The following CSTPP1 variants were observed in gnomAD, a reference collection of about 807,000 sequenced individuals.
CSTPP1 encodes centriolar satellite-associated tubulin polyglutamylase complex regulator 1, also known as UPF0705 protein C11orf49.
At chr11:47,104,859 G>A in the CSTPP1 span, among the ~76,000 whole-genome samples, 3 of 152,200 alleles carry the variant, frequency 2.0e-5, no homozygotes, top group Non-Finnish European at 2.9e-5. Flanking sequence ...TACCAGATCT[G>A]TGCTTGCAAA....
the CSTPP1 span, among the ~76,000 whole-genome samples, chr11:47,113,919 GC>G: frequency 6.6e-5 from 10 of 152,258 alleles, no homozygotes; most frequent in African/African-American, 2.4e-4. Flanking sequence ...TGAAGTCCTT[GC>G]CCATGCCTAT....
chr11:47,115,294 T>C, the CSTPP1 span, among the ~76,000 whole-genome samples: 1 of 152,222 alleles, frequency 6.6e-6, no homozygotes, highest in Non-Finnish European at 1.5e-5. Context: ...AAATTCTCTT[T>C]TTTTGTTGTG....
At chr11:47,011,449 C>T in the CSTPP1 span, among the ~76,000 whole-genome samples, 2 of 152,186 alleles carry the variant, frequency 1.3e-5, no homozygotes, top group African/African-American at 4.8e-5. Flanking sequence ...AGATTCTTCT[C>T]CCTTCAGTAC....
chr11:47,119,943 C>T, the CSTPP1 span, among the ~76,000 whole-genome samples: 7 of 152,092 alleles, frequency 4.6e-5, no homozygotes, highest in Non-Finnish European at 1.0e-4. Flanking sequence ...GGAATTGAAG[C>T]TCAAAAAATT....
At chr11:46,970,079 A>G in the CSTPP1 span, among the ~76,000 whole-genome samples, 15 of 152,232 alleles carry the variant, frequency 9.9e-5, no homozygotes, top group Non-Finnish European at 1.6e-4. Flanking sequence ...ACATACATAT[A>G]TAAAACAGGC....
chr11:47,110,279 A>C, the CSTPP1 span, among the ~76,000 whole-genome samples: 1 of 152,222 alleles, frequency 6.6e-6, no homozygotes, highest in African/African-American at 2.4e-5. Flanking sequence ...AGTCCCTGGC[A>C]TACCTTTGAC....
the CSTPP1 span, among the ~76,000 whole-genome samples, chr11:47,135,212 A>G: frequency 1.3e-5 from 2 of 152,080 alleles, no homozygotes; most frequent in Non-Finnish European, 2.9e-5. Context: ...ACAGAACCAA[A>G]ACAAACTCCC....
At chr11:47,159,639 C>G in the CSTPP1 span, 1 of 456,250 alleles carries the variant, frequency 2.2e-6, no homozygotes, top group South Asian at 1.5e-5. Flanking sequence ...GTAGCAGCCA[C>G]TAGGAAGGAG....
chr11:47,107,820 C>CA, the CSTPP1 span, among the ~76,000 whole-genome samples: 1 of 150,758 alleles, frequency 6.6e-6, no homozygotes, highest in South Asian at 2.1e-4. Flanking sequence ...GACAAGGTGG[C>CA]AAAAAAAAAT....
At chr11:47,038,302 G>A in the CSTPP1 span, among the ~76,000 whole-genome samples, 872 of 103,800 alleles carry the variant, frequency 8.4e-3, 82 homozygotes, top group African/African-American at 0.012. Context: ...CCTCCCTCCC[G>A]GACGGGGCGG....
the CSTPP1 span, chr11:47,052,669 A>G: frequency 9.2e-7 from 1 of 1,086,754 alleles, no homozygotes; most frequent in Non-Finnish European, 1.3e-6. Flanking sequence ...GTTTGAATGC[A>G]TGCTATTCAA....
chr11:47,019,256 C>T, the CSTPP1 span, among the ~76,000 whole-genome samples: 1 of 152,112 alleles, frequency 6.6e-6, no homozygotes, highest in Non-Finnish European at 1.5e-5. Flanking sequence ...GTAATCTGCT[C>T]GCCTCGGCCT....
chr11:47,007,704 T>C, the CSTPP1 span, among the ~76,000 whole-genome samples: 1 of 152,184 alleles, frequency 6.6e-6, no homozygotes, highest in Admixed American at 6.5e-5. Context: ...GTATGAGTTA[T>C]GTAAATTGAA....
the CSTPP1 span, chr11:47,157,675 G>A: frequency 1.4e-6 from 1 of 731,008 alleles, no homozygotes; most frequent in East Asian, 2.6e-5. Flanking sequence ...CATAGTGAAG[G>A]CCTGATCCCC....
At chr11:46,987,428 G>GT in the CSTPP1 span, 3 of 877,106 alleles carry the variant, frequency 3.4e-6, no homozygotes, top group South Asian at 4.3e-5. Context: ...TGAATGTTTA[G>GT]TTTTGGTAGG....
the CSTPP1 span, among the ~76,000 whole-genome samples, chr11:46,986,861 A>G: frequency 6.6e-6 from 1 of 152,248 alleles, no homozygotes; most frequent in African/African-American, 2.4e-5. Context: ...AAAAGAATAG[A>G]AGGAGGTAGA....
At chr11:47,128,777 G>C in the CSTPP1 span, among the ~76,000 whole-genome samples, 1 of 152,138 alleles carries the variant, frequency 6.6e-6, no homozygotes, top group Admixed American at 6.5e-5. Flanking sequence ...TTACAGGTGA[G>C]AAAACTGAGG....
the CSTPP1 span, among the ~76,000 whole-genome samples, chr11:47,100,137 ATCT>A: frequency 1.3e-5 from 2 of 152,148 alleles, no homozygotes; most frequent in Non-Finnish European, 1.5e-5. Context: ...TATACCTTGT[ATCT>A]TCTAGTTTCT....
chr11:47,011,072 C>T, the CSTPP1 span, among the ~76,000 whole-genome samples: 1 of 152,060 alleles, frequency 6.6e-6, no homozygotes, highest in African/African-American at 2.4e-5. Flanking sequence ...GAAAGCTGAA[C>T]ATATTAAAAC....
Sources: allele counts gnomAD v4.1 joint callset (sites outside exome capture counted in the v4.1 genomes callset), GRCh38; gene constraint gnomAD v4.1.1; transcripts MANE v1.5; gene names NCBI Gene and HGNC (gene_info 2026-07-23, HGNC 2026-07-21).